Variants in FSTL5 observed in about 807,000 individuals in gnomAD.
FSTL5 encodes the protein follistatin like 5.
Under a neutral mutation model 89.1 loss-of-function variants are expected in FSTL5, and 62 were observed. That is an observed-to-expected ratio of 0.70 (90% CI 0.57 to 0.86). FSTL5 has a LOEUF of 0.86. Ranked by LOEUF, FSTL5 falls within the 40% of genes least tolerant of loss-of-function variation. FSTL5 has a pLI of 0.00. For synonymous variants in FSTL5, 383 were observed against 346.2 expected, an observed-to-expected ratio of 1.11 and a Z score of -1.18; for missense variants, 1,057 against 1,001.6, an observed-to-expected ratio of 1.06 and a Z score of -0.75.
chr4:162,044,058 T>C (rs1401400510), intron 2 of FSTL5, among the ~76,000 whole-genome samples: 1 of 152,174 alleles, frequency 6.6e-6, no homozygotes, highest in East Asian at 1.9e-4. Flanking sequence ...CTTCCATGAA[T>C]CATGAATGTT....
At chr4:161,514,400 T>G (rs2126505781) in intron 10 of FSTL5, among the ~76,000 whole-genome samples, 1 of 152,194 alleles carries the variant, frequency 6.6e-6, no homozygotes, top group East Asian at 1.9e-4. Flanking sequence ...CGTTCTCACT[T>G]ACAAGTAAGA....
chr4:161,582,733 C>T (rs1433358485), intron 8 of FSTL5, among the ~76,000 whole-genome samples: 2 of 152,082 alleles, frequency 1.3e-5, no homozygotes, highest in African/African-American at 4.8e-5. Context: ...GGCTAGTTAC[C>T]TACTTGATAT....
At chr4:162,028,519 G>A (rs1737389432) in intron 3 of FSTL5, among the ~76,000 whole-genome samples, 1 of 152,190 alleles carries the variant, frequency 6.6e-6, no homozygotes, top group Non-Finnish European at 1.5e-5. Context: ...GGAGGTTGCA[G>A]TGAGCTGAGA....
At chr4:161,655,476 C>T (rs779583499) in intron 7 of FSTL5, among the ~76,000 whole-genome samples, 1 of 151,982 alleles carries the variant, frequency 6.6e-6, no homozygotes, top group Non-Finnish European at 1.5e-5. Flanking sequence ...CCACGTGATG[C>T]CAGTCATACA....
chr4:161,595,371 G>A (rs1255391778), intron 7 of FSTL5, among the ~76,000 whole-genome samples: 2 of 151,860 alleles, frequency 1.3e-5, no homozygotes, highest in East Asian at 3.9e-4. Context: ...TACTGCCAAT[G>A]GACACTCCAT....
At chr4:161,812,988 C>T (rs1312834355) in intron 4 of FSTL5, among the ~76,000 whole-genome samples, 3 of 143,940 alleles carry the variant, frequency 2.1e-5, no homozygotes, top group East Asian at 4.3e-4. Context: ...CATGGAGATT[C>T]TGGCAGTTAA....
intron 2 of FSTL5, among the ~76,000 whole-genome samples, chr4:162,044,068 T>C (rs1049125537): frequency 2.6e-5 from 4 of 152,204 alleles, no homozygotes; most frequent in African/African-American, 9.6e-5. Context: ...TCATGAATGT[T>C]CTTAATGAGA....
intron 10 of FSTL5, among the ~76,000 whole-genome samples, chr4:161,536,003 A>C (rs1204649107): frequency 6.6e-6 from 1 of 152,090 alleles, no homozygotes; most frequent in Non-Finnish European, 1.5e-5. Flanking sequence ...ACCAAATACC[A>C]CATGTTCTCA....
intron 15 of FSTL5, among the ~76,000 whole-genome samples, chr4:161,436,983 G>C (rs545680643): frequency 2.0e-5 from 3 of 152,136 alleles, no homozygotes; most frequent in African/African-American, 7.2e-5. Flanking sequence ...TACAATGATT[G>C]TAATTTTGTT....
intron 6 of FSTL5, among the ~76,000 whole-genome samples, chr4:161,719,814 C>T (rs1249843358): frequency 6.6e-6 from 1 of 151,984 alleles, no homozygotes; most frequent in Non-Finnish European, 1.5e-5. Context: ...ATTTTGTTGC[C>T]TGTAACTTCA....
intron 2 of FSTL5, among the ~76,000 whole-genome samples, chr4:162,076,567 T>C (rs1343095929): frequency 6.6e-6 from 1 of 151,886 alleles, no homozygotes; most frequent in Non-Finnish European, 1.5e-5. Context: ...TGAAATATGA[T>C]TACATAGATT....
chr4:162,014,139 C>T (rs1285807529), intron 3 of FSTL5, among the ~76,000 whole-genome samples: 1 of 152,188 alleles, frequency 6.6e-6, no homozygotes, highest in Non-Finnish European at 1.5e-5. Context: ...TCAGGAGATA[C>T]CACCAGTGAG....
intron 2 of FSTL5, among the ~76,000 whole-genome samples, chr4:162,049,663 A>C (rs1182180849): frequency 6.6e-6 from 1 of 152,130 alleles, no homozygotes; most frequent in African/African-American, 2.4e-5. Flanking sequence ...CATGCCGCTA[A>C]AAAGGAAGAA....
intron 3 of FSTL5, among the ~76,000 whole-genome samples, chr4:161,950,704 A>G (rs543674089): frequency 6.6e-6 from 1 of 152,248 alleles, no homozygotes; most frequent in East Asian, 1.9e-4. Context: ...ACCTGTTCTC[A>G]GCCTACAATG....
Position 161,749,086 on chromosome 4 carries a change from T to C in FSTL5, c.727+10325A>G, listed in dbSNP as rs992022451. 2.1e-4 allele frequency among the ~76,000 whole-genome samples: 32 copies of C among 152,204 alleles called. No individual in the cohort carries two copies. The East Asian group carries it at 4.5e-3, about 21-fold the overall frequency. On this transcript the variant is annotated intron_variant, in intron 6 of 15. Transcript: ENST00000306100. ...TATACAGTGTTGGTGGGGATGTAAA[T>C]TAGTTCAACCACTATGGAAAGCAGT... is the stretch of plus-strand genomic sequence containing the variant.
intron 3 of FSTL5, among the ~76,000 whole-genome samples, chr4:162,002,222 A>G (rs553262345): frequency 6.6e-6 from 1 of 152,318 alleles, no homozygotes; most frequent in Non-Finnish European, 1.5e-5. Flanking sequence ...TTAGCACACT[A>G]ACACAAAAAT....
chr4:161,982,156 T>C (rs1735843799), intron 3 of FSTL5, among the ~76,000 whole-genome samples: 1 of 152,150 alleles, frequency 6.6e-6, no homozygotes, highest in South Asian at 2.1e-4. Flanking sequence ...ACCCATGGCT[T>C]CATAAATAAC....
At chr4:161,827,963 T>G (rs1240247390) in intron 4 of FSTL5, among the ~76,000 whole-genome samples, 1 of 152,148 alleles carries the variant, frequency 6.6e-6, no homozygotes, top group Non-Finnish European at 1.5e-5. Flanking sequence ...ATCCCCTGAG[T>G]TCTGTCCAGG....
At chr4:162,062,690 G>T (rs1222154345) in intron 2 of FSTL5, among the ~76,000 whole-genome samples, 5 of 150,612 alleles carry the variant, frequency 3.3e-5, no homozygotes, top group Non-Finnish European at 7.4e-5. Context: ...TGAAATTAAA[G>T]AGTAAGATAA....
Sources: allele counts gnomAD v4.1 joint callset (sites outside exome capture counted in the v4.1 genomes callset), GRCh38; gene constraint gnomAD v4.1.1; transcripts MANE v1.5; gene names NCBI Gene and HGNC (gene_info 2026-07-23, HGNC 2026-07-21).